TPRG1: variants seen among roughly 807,000 people sequenced by gnomAD.
TPRG1 encodes the protein tumor protein p63-regulated gene 1 protein.
A neutral mutation model predicts 29.3 loss-of-function variants in TPRG1; 29 were observed. The observed-to-expected ratio is 0.99, with a 90% CI of 0.74 to 1.35. TPRG1 has a LOEUF of 1.35. Among genes scored for constraint, TPRG1 ranks in the 40% most tolerant of loss-of-function variants. The probability of loss-of-function intolerance (pLI) is 0.00; values close to 1 mark genes in which losing one functional copy is unlikely to be tolerated. For missense variants in TPRG1, 327 were observed against 335.0 expected, an observed-to-expected ratio of 0.98 and a Z score of 0.19; for synonymous variants, 130 against 116.8, an observed-to-expected ratio of 1.11 and a Z score of -0.73.
chr3:189,247,582 G>GTTTT (rs1741544508), intron 4 of TPRG1, among the ~76,000 whole-genome samples: 1 of 151,756 alleles, frequency 6.6e-6, no homozygotes, highest in Non-Finnish European at 1.5e-5. Flanking sequence ...TCTTCAGGTA[G>GTTTT]TTTTTTTGGT....
chr3:189,286,607 G>C (rs567200319), intron 4 of TPRG1, among the ~76,000 whole-genome samples: 2 of 152,252 alleles, frequency 1.3e-5, no homozygotes, highest in African/African-American at 4.8e-5. Context: ...AGAGATACTA[G>C]TCAGGATTTG....
intron 1 of TPRG1, among the ~76,000 whole-genome samples, chr3:189,194,633 GA>G (rs1732236509): frequency 6.6e-6 from 1 of 152,196 alleles, no homozygotes; most frequent in Non-Finnish European, 1.5e-5. Flanking sequence ...CATCTGTGGG[GA>G]AAAGGGAGTG....
At chr3:189,005,744 C>A (rs923939648) in intron 3 of TPRG1, among the ~76,000 whole-genome samples, 1 of 152,032 alleles carries the variant, frequency 6.6e-6, no homozygotes, top group Non-Finnish European at 1.5e-5. Flanking sequence ...ATCTAATTTT[C>A]TTCTTCCTTT....
chr3:189,239,024 G>T, intron 4 of TPRG1, 115 bp downstream of exon 4: 1 of 834,394 alleles, frequency 1.2e-6, no homozygotes, highest in South Asian at 2.1e-5. Context: ...GGAGGATAGT[G>T]AAATCATGAA....
chr3:189,047,677 A>G (rs1165160485), intron 4 of TPRG1, among the ~76,000 whole-genome samples: 1 of 152,194 alleles, frequency 6.6e-6, no homozygotes, highest in African/African-American at 2.4e-5. Context: ...CTGCTGCTTT[A>G]TCTTCTAAGT....
intron 4 of TPRG1, among the ~76,000 whole-genome samples, chr3:189,280,083 A>G (rs1426641954): frequency 6.6e-6 from 1 of 152,118 alleles, no homozygotes; most frequent in Admixed American, 6.5e-5. Flanking sequence ...GTGATATTAG[A>G]CTATCTCTTT....
At chr3:189,122,743 A>T (rs1384900362) in intron 1 of TPRG1, among the ~76,000 whole-genome samples, 2 of 152,208 alleles carry the variant, frequency 1.3e-5, no homozygotes, top group Non-Finnish European at 2.9e-5. Context: ...ATTTATGTGC[A>T]TAAGTTGTCA....
intron 3 of TPRG1, among the ~76,000 whole-genome samples, chr3:189,230,058 C>A (rs576530904): frequency 6.6e-6 from 1 of 152,292 alleles, no homozygotes; most frequent in Admixed American, 6.5e-5. Context: ...CAAGTGAATT[C>A]AGAGGAGGAG....
intron 4 of TPRG1, among the ~76,000 whole-genome samples, chr3:189,306,115 T>C (rs929392073): frequency 6.6e-6 from 1 of 152,192 alleles, no homozygotes; most frequent in Non-Finnish European, 1.5e-5. Flanking sequence ...GTTCAGGCAC[T>C]GAGTCTTATT....
Position 189,260,819 on chromosome 3 carries a change from GGGAGGAA to G in TPRG1, c.479+21916_479+21922del. On this transcript the variant is annotated intron_variant, in intron 4 of 5. Transcript: ENST00000345063. ...TGTTGACTTAGTGTCAGCAGGTGGA[GGGAGGAA>G]GGAGGGCATCGCAGACATCATTCTA... is the stretch of plus-strand genomic sequence containing the variant. Among the ~76,000 whole-genome samples, 4 of 152,250 alleles carry G rather than the reference GGGAGGAA, an allele frequency of 2.6e-5. 1 individual carries two copies. The highest frequency in any genetic ancestry group is 2.6e-4 in the Admixed American group (4 of 15,298).
intron 1 of TPRG1, among the ~76,000 whole-genome samples, chr3:189,176,525 A>G (rs1729510100): frequency 6.6e-6 from 1 of 152,368 alleles, no homozygotes; most frequent in Non-Finnish European, 1.5e-5. Context: ...AAAACCATTC[A>G]GTAAAATATG....
intron 5 of TPRG1, among the ~76,000 whole-genome samples, chr3:189,318,746 A>G (rs1329718112): frequency 1.3e-5 from 2 of 152,138 alleles, no homozygotes; most frequent in African/African-American, 2.4e-5. Context: ...TTAGATTTGG[A>G]TGATAAATTA....
chr3:189,137,963 A>G (rs1400761366), intron 3 of TPRG1, among the ~76,000 whole-genome samples: 1 of 152,164 alleles, frequency 6.6e-6, no homozygotes, highest in African/African-American at 2.4e-5. Context: ...TAGATAATAG[A>G]CAAAAATAGA....
At chr3:189,287,115 C>A (rs541683160) in intron 4 of TPRG1, among the ~76,000 whole-genome samples, 1 of 152,188 alleles carries the variant, frequency 6.6e-6, no homozygotes, top group African/African-American at 2.4e-5. Context: ...ATGCTTGTCA[C>A]CGCATGGTTG....
At chr3:189,074,199 CTTTTTTTTTT>C (rs554150288) in intron 4 of TPRG1, among the ~76,000 whole-genome samples, 6 of 68,086 alleles carry the variant, frequency 8.8e-5, no homozygotes, top group South Asian at 9.3e-4. Flanking sequence ...AATTATTTTC[CTTTTTTTTTT>C]TTTTTTTTTT....
At chr3:189,174,523 G>A (rs1729230822) in intron 1 of TPRG1, among the ~76,000 whole-genome samples, 2 of 152,130 alleles carry the variant, frequency 1.3e-5, no homozygotes, top group Non-Finnish European at 2.9e-5. Flanking sequence ...TTAGGTATTA[G>A]GATTCCTTTC....
chr3:189,173,365 A>G (rs1376499429), intron 1 of TPRG1, among the ~76,000 whole-genome samples: 1 of 135,340 alleles, frequency 7.4e-6, no homozygotes, highest in African/African-American at 2.8e-5. Flanking sequence ...TTTGAGACAG[A>G]GCCTTGCTCT....
intron 1 of TPRG1, among the ~76,000 whole-genome samples, chr3:189,106,693 T>A (rs1176030338): frequency 6.6e-6 from 1 of 152,172 alleles, no homozygotes; most frequent in Admixed American, 6.5e-5. Flanking sequence ...ATGTAATAAA[T>A]GATTGTCACA....
intron 1 of TPRG1, among the ~76,000 whole-genome samples, chr3:188,998,155 A>T (rs76439004): frequency 2.7e-3 from 7 of 2,574 alleles, no homozygotes; most frequent in African/African-American, 2.9e-3. Context: ...AGCAGACCAT[A>T]AACAAACAGA....
Sources: allele counts gnomAD v4.1 joint callset (sites outside exome capture counted in the v4.1 genomes callset), GRCh38; gene constraint gnomAD v4.1.1; transcripts MANE v1.5; gene names NCBI Gene and HGNC (gene_info 2026-07-23, HGNC 2026-07-21).